UTRN: variants seen among roughly 807,000 people sequenced by gnomAD.
The protein encoded by UTRN is utrophin.
In UTRN, 283 loss-of-function variants were observed where a neutral mutation model predicts 463.9. That is an observed-to-expected ratio of 0.61 (90% CI 0.55 to 0.67). UTRN has a LOEUF of 0.67. UTRN is among the 30% of genes least tolerant of loss of function. The pLI is 0.00. For missense variants in UTRN, 3,922 were observed against 4,084.3 expected, an observed-to-expected ratio of 0.96 and a Z score of 1.08; for synonymous variants, 1,442 against 1,431.5, an observed-to-expected ratio of 1.01 and a Z score of -0.17.
chr6:144,513,844 CTTT>C, intron 35 of UTRN, 62 bp from the exon 36 acceptor site: 5 of 1,551,614 alleles, frequency 3.2e-6, no homozygotes, highest in Non-Finnish European at 4.4e-6. Flanking sequence ...TTTTAAATCT[CTTT>C]TAAGATTATC....
chr6:144,650,075 G>A (rs940686937), intron 51 of UTRN, among the ~76,000 whole-genome samples: 1 of 152,176 alleles, frequency 6.6e-6, no homozygotes, highest in Non-Finnish European at 1.5e-5. Flanking sequence ...ATGGCAGAAG[G>A]CAAAGGAGAA....
At chr6:144,758,144 T>A in intron 58 of UTRN, 155 bp downstream of exon 58, 1 of 565,820 alleles carries the variant, frequency 1.8e-6, no homozygotes, top group Non-Finnish European at 3.0e-6. Flanking sequence ...AAACTACTTT[T>A]AACATGAGAA....
chr6:144,835,963 A>G (rs577353260), intron 70 of UTRN, 25 bp downstream of exon 70: 2 of 1,609,888 alleles, frequency 1.2e-6, no homozygotes, highest in South Asian at 2.2e-5. Context: ...GGAGAAGGAA[A>G]TATGTCATCC....
chr6:144,293,894 ATGTGTG>A (rs57561876), intron 2 of UTRN, among the ~76,000 whole-genome samples: 31 of 148,646 alleles, frequency 2.1e-4, no homozygotes, highest in African/African-American at 6.8e-4. Flanking sequence ...GATGTGTGTG[ATGTGTG>A]TGTGTGTGTG....
At chr6:144,632,319 G>T (rs1485398644) in intron 51 of UTRN, among the ~76,000 whole-genome samples, 2 of 152,112 alleles carry the variant, frequency 1.3e-5, no homozygotes, top group African/African-American at 4.8e-5. Flanking sequence ...CACTGAAAAA[G>T]AAATCAAAAG....
At chr6:144,649,070 C>T (rs1015400637) in intron 51 of UTRN, among the ~76,000 whole-genome samples, 2 of 151,850 alleles carry the variant, frequency 1.3e-5, no homozygotes, top group Non-Finnish European at 2.9e-5. Flanking sequence ...TGGAGATGGC[C>T]GATTTGGATA....
chr6:144,547,821 T>C (rs1798545248), intron 46 of UTRN, among the ~76,000 whole-genome samples: 1 of 152,216 alleles, frequency 6.6e-6, no homozygotes, highest in African/African-American at 2.4e-5. Context: ...AATATTAATT[T>C]TATAACCAGA....
At chr6:144,530,200 G>A (rs1268853213) in intron 41 of UTRN, among the ~76,000 whole-genome samples, 1 of 152,222 alleles carries the variant, frequency 6.6e-6, no homozygotes, top group Admixed American at 6.5e-5. Context: ...GAGGCTGGAA[G>A]TTCAAGATCA....
At chr6:144,819,319 T>G (rs1462155652) in intron 65 of UTRN, among the ~76,000 whole-genome samples, 1 of 152,212 alleles carries the variant, frequency 6.6e-6, no homozygotes, top group Non-Finnish European at 1.5e-5. Context: ...AGAAGGGGAA[T>G]GGATAGAAAG....
intron 66 of UTRN, among the ~76,000 whole-genome samples, chr6:144,821,780 A>C (rs921599994): frequency 2.0e-5 from 3 of 152,136 alleles, no homozygotes; most frequent in African/African-American, 7.2e-5. Context: ...CCAAATAGAT[A>C]GATTTTAAAT....
intron 66 of UTRN, among the ~76,000 whole-genome samples, chr6:144,821,283 CT>C (rs1222469906): frequency 6.6e-6 from 1 of 152,120 alleles, no homozygotes; most frequent in African/African-American, 2.4e-5. Flanking sequence ...CTGGTCATCT[CT>C]TTTGTTGGTC....
intron 52 of UTRN, among the ~76,000 whole-genome samples, chr6:144,693,226 T>C (rs949313174): frequency 4.6e-5 from 7 of 152,112 alleles, no homozygotes; most frequent in African/African-American, 1.4e-4. Flanking sequence ...ATTTCTGAGT[T>C]CTCTGTTCTG....
At chr6:144,757,308 A>G (rs990371365) in intron 57 of UTRN, among the ~76,000 whole-genome samples, 3 of 151,648 alleles carry the variant, frequency 2.0e-5, no homozygotes, top group Admixed American at 2.0e-4. Flanking sequence ...GGTCTAGTGC[A>G]AAAGTAGGAG....
At position 144,424,035 on chromosome 6, in the gene UTRN, A is replaced by G. The variant is rs1785084891; in HGVS notation, c.362A>G (p.Lys121Arg). The change falls in exon 6 of 75, where the codon AAA becomes AGA. Residue 121 changes from lysine to arginine, a missense_variant. Coordinates refer to ENST00000367545, the MANE Select transcript of UTRN (RefSeq NM_007124.3). ...ACTGACATTGTGGATGGAAATCACA[A>G]ACTGACTTTGGGGTTACTTTGGAGC... The part of the protein sequence containing the change: ...GGTDIVDGNH[K>R]LTLGLLWSII... 6.2e-7 allele frequency: 1 copy of G among 1,614,222 alleles called. No individual in the cohort carries two copies.
chr6:144,689,852 G>T (rs1026087062), intron 52 of UTRN, among the ~76,000 whole-genome samples: 1 of 152,046 alleles, frequency 6.6e-6, no homozygotes, highest in Non-Finnish European at 1.5e-5. Flanking sequence ...TAATGGTGAC[G>T]GCCAAGGTCA....
intron 53 of UTRN, among the ~76,000 whole-genome samples, chr6:144,710,693 C>A (rs968012155): frequency 6.6e-6 from 1 of 152,202 alleles, no homozygotes; most frequent in Non-Finnish European, 1.5e-5. Flanking sequence ...TGGCTGATAT[C>A]TTTTCCCATA....
rs17073571 is a variant in UTRN at position 144,291,828 on chromosome 6, G to A, written c.-1G>A. The A allele has an allele frequency of 8.2e-3, 13,181 of 1,610,884 alleles. 844 individuals carry two copies. The East Asian group carries it at 0.18, about 22-fold the overall frequency. On this transcript the variant is annotated 5_prime_UTR_variant, in exon 2 of 75. Transcript: ENST00000367545. ...TTGGATTATCTTGAAACTCTGGCAA[G>A]ATGGCCAAGTATGGAGAACATGAAG...
At chr6:144,470,551 G>T (rs561303297) in intron 23 of UTRN, among the ~76,000 whole-genome samples, 2 of 150,914 alleles carry the variant, frequency 1.3e-5, no homozygotes, top group African/African-American at 4.9e-5. Context: ...ACAGGATGAC[G>T]GCCGGGAAGA....
intron 51 of UTRN, among the ~76,000 whole-genome samples, chr6:144,587,244 TTC>T (rs1291413162): frequency 6.6e-6 from 1 of 152,166 alleles, no homozygotes; most frequent in Admixed American, 6.6e-5. Flanking sequence ...TCTCAAAGTC[TTC>T]CCCGGAATAC....
Sources: allele counts gnomAD v4.1 joint callset (sites outside exome capture counted in the v4.1 genomes callset), GRCh38; gene constraint gnomAD v4.1.1; transcripts MANE v1.5; gene names NCBI Gene and HGNC (gene_info 2026-07-23, HGNC 2026-07-21).